SHISA9: variants seen among roughly 807,000 people sequenced by gnomAD.
The protein encoded by SHISA9 is shisa family member 9.
SHISA9 carries 13 observed loss-of-function variants against 38.0 expected under a neutral mutation model. The observed-to-expected ratio is 0.34, with a 90% CI of 0.22 to 0.54. The LOEUF (loss-of-function observed/expected upper bound fraction) is 0.54. Ranked by LOEUF, SHISA9 falls within the 20% of genes least tolerant of loss-of-function variation. The probability of loss-of-function intolerance (pLI) is 0.91; values close to 1 mark genes in which losing one functional copy is unlikely to be tolerated. For missense variants in SHISA9, 538 were observed against 575.8 expected (o/e 0.93, Z 0.67); for synonymous variants, 275 against 242.0 (o/e 1.14, Z -1.27).
the SHISA9 span, among the ~76,000 whole-genome samples, chr16:13,550,160 G>C: frequency 1.2e-3 from 186 of 152,234 alleles, no homozygotes; most frequent in African/African-American, 4.2e-3. Flanking sequence ...AGAGAGGTTG[G>C]AACAGTGGAA....
intron 2 of SHISA9, among the ~76,000 whole-genome samples, chr16:13,019,878 CCCTCCCTT>C (rs1367352281): frequency 0.16 from 4,770 of 30,620 alleles, 313 homozygotes; most frequent in Non-Finnish European, 0.18. Context: ...CTCCCTCCCT[CCCTCCCTT>C]CTTTCTTTCT....
At position 12,961,805 on chromosome 16, in the gene SHISA9, C is replaced by T. The variant is rs757879996; in HGVS notation, c.691+44990C>T. ...TCTCCTGTGAACAGCGAGTTCCTTG[C>T]GACAAGTCAGGTTTCAGCTGAGCCC... On this transcript the variant is annotated intron_variant, in intron 2 of 4. Coordinates refer to ENST00000558583, the MANE Select transcript of SHISA9 (RefSeq NM_001145204.3). Among the ~76,000 whole-genome samples the T allele has an allele frequency of 2.0e-5, 3 of 152,166 alleles. No individual in the cohort carries two copies. The South Asian group carries it at 6.2e-4, about 31-fold the overall frequency.
intron 2 of SHISA9, among the ~76,000 whole-genome samples, chr16:13,137,852 G>A (rs1398817576): frequency 6.6e-6 from 1 of 152,074 alleles, no homozygotes; most frequent in Non-Finnish European, 1.5e-5. Context: ...TCTTCCTATG[G>A]CTTTGTCCAG....
At chr16:13,480,235 T>C in the SHISA9 span, among the ~76,000 whole-genome samples, 1 of 152,154 alleles carries the variant, frequency 6.6e-6, no homozygotes, top group South Asian at 2.1e-4. Context: ...TTAGGGTTTT[T>C]ATTCTCTCTT....
At chr16:13,469,365 A>AAGAAAGAAAG in the SHISA9 span, among the ~76,000 whole-genome samples, 22 of 64,506 alleles carry the variant, frequency 3.4e-4, no homozygotes, top group Admixed American at 5.2e-4. Context: ...AAAGAAAAGA[A>AAGAAAGAAAG]AAAGAAAGAA....
chr16:13,040,396 G>T (rs2073120313), intron 2 of SHISA9, among the ~76,000 whole-genome samples: 1 of 152,160 alleles, frequency 6.6e-6, no homozygotes, highest in African/African-American at 2.4e-5. Context: ...ATGTTTGCAT[G>T]ACCCTCTTCT....
At chr16:13,397,893 T>C in the SHISA9 span, among the ~76,000 whole-genome samples, 1 of 151,958 alleles carries the variant, frequency 6.6e-6, no homozygotes, top group Non-Finnish European at 1.5e-5. Flanking sequence ...GGAGAATGAG[T>C]GCAAGGTTTA....
intron 2 of SHISA9, among the ~76,000 whole-genome samples, chr16:13,145,924 G>A (rs1038576795): frequency 5.9e-5 from 9 of 152,124 alleles, no homozygotes; most frequent in Admixed American, 1.3e-4. Flanking sequence ...GAGGTGGCTC[G>A]CGCCTGTAAT....
intron 2 of SHISA9, among the ~76,000 whole-genome samples, chr16:13,100,208 G>A (rs2073865519): frequency 6.6e-6 from 1 of 152,230 alleles, no homozygotes; most frequent in South Asian, 2.1e-4. Context: ...AATTCAACTT[G>A]TCTTTTTAAA....
the SHISA9 span, among the ~76,000 whole-genome samples, chr16:13,509,384 G>T: frequency 6.6e-6 from 1 of 152,098 alleles, no homozygotes; most frequent in East Asian, 1.9e-4. Context: ...TGGATTCAAA[G>T]CATGCCTCCA....
At chr16:12,983,996 G>C (rs1298512998) in intron 2 of SHISA9, among the ~76,000 whole-genome samples, 2 of 152,102 alleles carry the variant, frequency 1.3e-5, no homozygotes, top group African/African-American at 4.8e-5. Context: ...ATTCTACTTG[G>C]CTGTTGGTGT....
rs917545644 is a variant in SHISA9, at chr16:13,235,463, A to T, written c.*54A>T. 2 of 1,480,544 alleles carry T rather than the reference A, an allele frequency of 1.4e-6. No individual in the cohort carries two copies. Among genetic ancestry groups the T allele is most frequent in the Non-Finnish European group, 1.8e-6 (2 of 1,118,044 alleles). 91.7% of individuals were successfully genotyped at this position (1,480,544 alleles called of 1,614,324 possible). ...CCACACTCAACTGAGAGAGGCAAAA[A>T]ACAACCCCGCCCACACCCTCCCCAT... On this transcript the variant is annotated 3_prime_UTR_variant, in exon 5 of 5. Transcript: ENST00000558583.
chr16:13,283,404 C>T, the SHISA9 span, among the ~76,000 whole-genome samples: 3 of 152,094 alleles, frequency 2.0e-5, no homozygotes, highest in East Asian at 3.9e-4. Flanking sequence ...CCCAAGACTG[C>T]GTAATTCTAA....
chr16:12,905,939 C>G lies in SHISA9; in HGVS notation c.563+3312C>G, dbSNP rs568232041. Among the ~76,000 whole-genome samples, 13 of 152,298 alleles carry G rather than the reference C, an allele frequency of 8.5e-5. No homozygotes were observed. The East Asian group carries it at 1.9e-3, about 23-fold the overall frequency. On this transcript the variant is annotated intron_variant, in intron 1 of 4. Coordinates refer to ENST00000558583, the MANE Select transcript of SHISA9 (RefSeq NM_001145204.3). Reference sequence around the variant, plus strand: ...GTTGCTTGTTTCTCAACGTATGTAACTTTTCTGTGGTGCTGGGGCTACCCC... The same window carrying G: ...GTTGCTTGTTTCTCAACGTATGTAAGTTTTCTGTGGTGCTGGGGCTACCCC...
At chr16:13,484,869 T>TGATCCAATCACCTCCCAC in the SHISA9 span, among the ~76,000 whole-genome samples, 5 of 152,134 alleles carry the variant, frequency 3.3e-5, no homozygotes, top group Non-Finnish European at 7.3e-5. Flanking sequence ...TCCACTCCCA[T>TGATCCAATCACCTCCCAC]GATCCAATCA....
chr16:13,544,429 G>GTTTTTTTTTTTTTT, the SHISA9 span, among the ~76,000 whole-genome samples: 2 of 102,116 alleles, frequency 2.0e-5, 1 homozygote. Flanking sequence ...TTTTTTTCTT[G>GTTTTTTTTTTTTTT]TTTTTTTTTT....
chr16:13,472,377 A>ATTTTTTT, the SHISA9 span, among the ~76,000 whole-genome samples: 111 of 55,472 alleles, frequency 2.0e-3, 13 homozygotes, highest in African/African-American at 5.1e-3. Context: ...GCTCTGCTAA[A>ATTTTTTT]TTTTTTTTTT....
chr16:13,389,005 G>A, the SHISA9 span, among the ~76,000 whole-genome samples: 3 of 152,204 alleles, frequency 2.0e-5, no homozygotes, highest in South Asian at 2.1e-4. Context: ...TCCTATACAC[G>A]CATAGCCTCC....
At chr16:13,044,644 A>C (rs1250714384) in intron 2 of SHISA9, among the ~76,000 whole-genome samples, 4 of 152,268 alleles carry the variant, frequency 2.6e-5, no homozygotes, top group Middle Eastern at 3.4e-3. Context: ...ACAGATGAGG[A>C]GGTTGCAGAA....
Sources: allele counts gnomAD v4.1 joint callset (sites outside exome capture counted in the v4.1 genomes callset), GRCh38; gene constraint gnomAD v4.1.1; transcripts MANE v1.5; gene names NCBI Gene and HGNC (gene_info 2026-07-23, HGNC 2026-07-21).